PLXNC1: variants seen among roughly 807,000 people sequenced by gnomAD.
PLXNC1 encodes the protein plexin-C1.
A neutral mutation model predicts 178.2 loss-of-function variants in PLXNC1; 75 were observed. That is an observed-to-expected ratio of 0.42 (90% CI 0.35 to 0.51). The LOEUF (loss-of-function observed/expected upper bound fraction) is 0.51, where lower values mean the gene tolerates loss of function less well. Ranked by LOEUF, PLXNC1 falls within the 20% of genes least tolerant of loss-of-function variation. The pLI is 0.02. For synonymous variants in PLXNC1, 790 were observed against 779.9 expected (o/e 1.01, Z -0.22); for missense variants, 1,503 against 1,984.4 (o/e 0.76, Z 4.61).
intron 24 of PLXNC1, among the ~76,000 whole-genome samples, chr12:94,296,166 C>G (rs1565870714): frequency 2.0e-5 from 3 of 152,058 alleles, no homozygotes; most frequent in Admixed American, 6.6e-5. Context: ...GCTCGTCTCT[C>G]TCATCTTTAT....
Position 94,259,340 on chromosome 12 carries a change from G to T in PLXNC1, c.3091G>T (p.Gly1031Cys). 6.3e-7 allele frequency: 1 copy of T among 1,592,482 alleles called. No homozygotes were observed. Among genetic ancestry groups the T allele is most frequent in the Non-Finnish European group, 8.5e-7 (1 of 1,172,180 alleles). ...AAAAGTGTCTCCTTCCTCTCAGTCA[G>T]GTGGCTTCACCCACATCTTCACTGA... The part of the protein sequence containing the change: ...FALRTFFPES[G>C]GFTHIFTEDM... Residue 1031 changes from glycine (G) to cysteine (C), a missense_variant, in exon 18 of 31, where the codon GGT (glycine) becomes TGT (cysteine). Around this residue, in one of 4 missense-constraint regions of PLXNC1, gnomAD observed 639 missense variants for 979.7 expected, o/e 0.65. Coordinates refer to ENST00000258526, the MANE Select transcript of PLXNC1 (RefSeq NM_005761.3).
intron 21 of PLXNC1, among the ~76,000 whole-genome samples, chr12:94,274,467 G>A (rs930034398): frequency 1.3e-5 from 2 of 152,218 alleles, no homozygotes; most frequent in African/African-American, 4.8e-5. Flanking sequence ...CTGCTGTGCA[G>A]ACCTGGCCTT....
chr12:94,210,943 A>G (rs1318478891), intron 5 of PLXNC1, among the ~76,000 whole-genome samples: 2 of 152,250 alleles, frequency 1.3e-5, no homozygotes, highest in South Asian at 2.1e-4. Flanking sequence ...GTAGAATACC[A>G]TAATCCTTGA....
At chr12:94,299,157 T>G (rs1593002028) in intron 27 of PLXNC1, among the ~76,000 whole-genome samples, 1 of 152,242 alleles carries the variant, frequency 6.6e-6, no homozygotes, top group East Asian at 1.9e-4. Context: ...TTGTTCCTAA[T>G]CGGTTACTTT....
intron 2 of PLXNC1, among the ~76,000 whole-genome samples, chr12:94,173,657 G>A (rs370667506): frequency 2.6e-5 from 4 of 152,196 alleles, no homozygotes; most frequent in Admixed American, 6.5e-5. Flanking sequence ...CCCAGAGCCC[G>A]AGCTTCTATC....
intron 2 of PLXNC1, among the ~76,000 whole-genome samples, chr12:94,178,927 A>G (rs1034439914): frequency 9.2e-5 from 14 of 152,168 alleles, no homozygotes; most frequent in Non-Finnish European, 1.3e-4. Flanking sequence ...GTCATATTTC[A>G]TATGTTTGGT....
intron 3 of PLXNC1, among the ~76,000 whole-genome samples, chr12:94,183,829 C>A (rs1265949929): frequency 6.6e-6 from 1 of 152,136 alleles, no homozygotes; most frequent in African/African-American, 2.4e-5. Context: ...TTTGACTGGG[C>A]ATCAAAGCTG....
rs1960854473 is a variant in PLXNC1, at chr12:94,149,331, G to A, written c.360G>A (p.Gly120=). The A allele has an allele frequency of 6.9e-7, 1 of 1,441,070 alleles. No homozygotes were observed. Among genetic ancestry groups the A allele is most frequent in the Non-Finnish European group, 9.0e-7 (1 of 1,106,788 alleles). The allele number at this position is 1,441,070 out of a possible 1,614,324, so 89.3% of individuals were successfully genotyped here. The change falls in exon 1 of 31, where the codon GGG becomes GGA. Residue 120 remains glycine, a synonymous_variant. Transcript: ENST00000258526. ...LPYREGAAGL[G]GLLLTGWTFD... ...ACCGCGAGGGGGCGGCCGGCCTCGG[G>A]GGGCTGCTGCTCACCGGCTGGACCT...
chr12:94,220,248 A>G (rs1963757246), intron 6 of PLXNC1, 85 bp downstream of exon 6: 1 of 1,335,016 alleles, frequency 7.5e-7, no homozygotes, highest in African/African-American at 1.5e-5. Context: ...AAGGAATATG[A>G]ATAGTTCCCC....
At chr12:94,156,044 G>GTT (rs1961155901) in intron 1 of PLXNC1, among the ~76,000 whole-genome samples, 1 of 152,226 alleles carries the variant, frequency 6.6e-6, no homozygotes, top group Non-Finnish European at 1.5e-5. Context: ...CCAGTTACCA[G>GTT]TTGTGGGACT....
chr12:94,158,495 G>C (rs747320956), intron 1 of PLXNC1, among the ~76,000 whole-genome samples: 10 of 152,166 alleles, frequency 6.6e-5, no homozygotes, highest in South Asian at 2.1e-4. Flanking sequence ...TGAGAAAAAG[G>C]TTAGAAAATT....
chr12:94,173,055 C>T (rs184198745), intron 2 of PLXNC1, among the ~76,000 whole-genome samples: 13 of 152,234 alleles, frequency 8.5e-5, no homozygotes, highest in African/African-American at 2.2e-4. Context: ...TAGTCACCCC[C>T]GCAGTTATTT....
At chr12:94,225,656 A>G (rs1209607605) in intron 7 of PLXNC1, among the ~76,000 whole-genome samples, 1 of 152,242 alleles carries the variant, frequency 6.6e-6, no homozygotes, top group Admixed American at 6.5e-5. Flanking sequence ...AGGTCCCACA[A>G]CTTGGTAATT....
intron 17 of PLXNC1, among the ~76,000 whole-genome samples, chr12:94,257,584 G>T (rs982735294): frequency 2.0e-5 from 3 of 152,100 alleles, no homozygotes; most frequent in African/African-American, 7.2e-5. Flanking sequence ...GACCAGCCTG[G>T]CCAACATGGT....
chr12:94,285,361 C>T (rs1966773760), intron 23 of PLXNC1, among the ~76,000 whole-genome samples: 1 of 152,198 alleles, frequency 6.6e-6, no homozygotes. Context: ...GAACACCCAT[C>T]CTTGGGCTTT....
intron 21 of PLXNC1, among the ~76,000 whole-genome samples, chr12:94,269,461 A>G (rs1965445232): frequency 6.6e-6 from 1 of 152,224 alleles, no homozygotes; most frequent in South Asian, 2.1e-4. Flanking sequence ...CATATACAAC[A>G]GAGCCCTAGG....
At chr12:94,205,333 C>T (rs1273383342) in intron 4 of PLXNC1, among the ~76,000 whole-genome samples, 1 of 152,186 alleles carries the variant, frequency 6.6e-6, no homozygotes, top group Non-Finnish European at 1.5e-5. Context: ...GCTGTTCCCA[C>T]ACTACCAGCT....
chr12:94,261,904 TC>T (rs1964998899), intron 20 of PLXNC1, among the ~76,000 whole-genome samples: 1 of 152,146 alleles, frequency 6.6e-6, no homozygotes, highest in Admixed American at 6.5e-5. Flanking sequence ...CCCCTCCCTC[TC>T]CCTAAGGCAA....
intron 20 of PLXNC1, among the ~76,000 whole-genome samples, chr12:94,261,128 G>A (rs760412550): frequency 6.6e-6 from 1 of 150,586 alleles, no homozygotes; most frequent in African/African-American, 2.5e-5. Flanking sequence ...GCCCATTTAA[G>A]AAAATGTACT....
Sources: allele counts gnomAD v4.1 joint callset (sites outside exome capture counted in the v4.1 genomes callset), GRCh38; gene constraint gnomAD v4.1.1; regional missense constraint gnomAD v4.1.1; transcripts MANE v1.5; gene names NCBI Gene and HGNC (gene_info 2026-07-23, HGNC 2026-07-21).